ADAM22: variants seen among roughly 807,000 people sequenced by gnomAD.
The protein encoded by ADAM22 is ADAM metallopeptidase domain 22.
A neutral mutation model predicts 144.6 loss-of-function variants in ADAM22; 65 were observed. The ratio of observed to expected loss-of-function variants is 0.45; its 90% confidence interval spans 0.37 to 0.55. ADAM22 has a LOEUF of 0.55. ADAM22 is among the 20% of genes least tolerant of loss of function. The pLI, the probability that ADAM22 is intolerant of heterozygous loss-of-function variation, is 0.00. For synonymous variants in ADAM22, 391 were observed against 412.6 expected, an observed-to-expected ratio of 0.95 and a Z score of 0.63; for missense variants, 974 against 1,184.9, an observed-to-expected ratio of 0.82 and a Z score of 2.61.
intron 8 of ADAM22, 48 bp from the exon 9 acceptor site, chr7:88,128,554 C>A: frequency 2.7e-6 from 4 of 1,495,748 alleles, no homozygotes; most frequent in Non-Finnish European, 3.7e-6. Context: ...TTTTCGCAGC[C>A]AAGTTTAGAG....
intron 3 of ADAM22, among the ~76,000 whole-genome samples, chr7:88,048,662 T>C (rs1585243890): frequency 6.6e-6 from 1 of 152,292 alleles, no homozygotes; most frequent in African/African-American, 2.4e-5. Context: ...ATGTTCACCT[T>C]TTCTTATTAA....
intron 2 of ADAM22, among the ~76,000 whole-genome samples, chr7:87,956,266 C>T (rs530785139): frequency 2.6e-5 from 4 of 152,164 alleles, no homozygotes; most frequent in Non-Finnish European, 4.4e-5. Context: ...ATTTGGCCAT[C>T]TTGGCTCCTC....
At chr7:88,156,984 G>T (rs879454052) in intron 22 of ADAM22, among the ~76,000 whole-genome samples, 1 of 151,840 alleles carries the variant, frequency 6.6e-6, no homozygotes, top group Admixed American at 6.6e-5. Flanking sequence ...ATTTATGAGA[G>T]ATAAGAGACT....
At chr7:88,050,996 T>C (rs1275358110) in intron 3 of ADAM22, among the ~76,000 whole-genome samples, 1 of 152,246 alleles carries the variant, frequency 6.6e-6, no homozygotes, top group Non-Finnish European at 1.5e-5. Context: ...GTTTTAGGTC[T>C]GACATTTAAG....
At chr7:88,128,754 C>T in intron 9 of ADAM22, 78 bp downstream of exon 9, 1 of 1,159,672 alleles carries the variant, frequency 8.6e-7, no homozygotes, top group Non-Finnish European at 1.3e-6. Context: ...TTAGAAAAAA[C>T]AAGAAGCCCA....
At chr7:88,145,557 T>G in intron 17 of ADAM22, 50 bp downstream of exon 17, 1 of 1,406,490 alleles carries the variant, frequency 7.1e-7, no homozygotes, top group South Asian at 1.2e-5. Flanking sequence ...CATACTTGAT[T>G]AAATCATTAA....
intron 5 of ADAM22, among the ~76,000 whole-genome samples, chr7:88,111,019 G>T: frequency 6.7e-6 from 1 of 149,012 alleles, no homozygotes; most frequent in Non-Finnish European, 1.5e-5. Flanking sequence ...GAGATTACAG[G>T]GTTATTTTAA....
chr7:88,022,070 T>G (rs970725459), intron 3 of ADAM22, among the ~76,000 whole-genome samples: 54 of 151,892 alleles, frequency 3.6e-4, no homozygotes, highest in African/African-American at 1.2e-3. Context: ...ATTTTTATTT[T>G]TTTTTTGTAG....
chr7:87,943,960 A>G (rs1238340310), intron 2 of ADAM22, among the ~76,000 whole-genome samples: 1 of 152,122 alleles, frequency 6.6e-6, no homozygotes, highest in Non-Finnish European at 1.5e-5. Context: ...TTTGAAGATG[A>G]GAAATCGATG....
intron 25 of ADAM22, among the ~76,000 whole-genome samples, chr7:88,169,184 A>C (rs1476044467): frequency 6.6e-6 from 1 of 152,092 alleles, no homozygotes; most frequent in Non-Finnish European, 1.5e-5. Context: ...TTTGGCTAAA[A>C]AGGGAGAGCA....
chr7:88,142,242 T>G (rs1230940455), intron 14 of ADAM22, among the ~76,000 whole-genome samples: 1 of 152,224 alleles, frequency 6.6e-6, no homozygotes, highest in African/African-American at 2.4e-5. Context: ...CATTCAGGAT[T>G]GTCCCAGGTT....
chr7:88,143,390 G>A (rs1835379515), intron 15 of ADAM22, among the ~76,000 whole-genome samples: 1 of 152,164 alleles, frequency 6.6e-6, no homozygotes, highest in Non-Finnish European at 1.5e-5. Context: ...GCCAAGTGAT[G>A]ATTCAGAGTT....
intron 4 of ADAM22, among the ~76,000 whole-genome samples, chr7:88,077,878 A>C (rs1024918897): frequency 6.6e-6 from 1 of 152,228 alleles, no homozygotes; most frequent in Admixed American, 6.5e-5. Context: ...ACCACAGCTC[A>C]AGGAGGCCTG....
At chr7:88,117,798 A>G (rs929048721) in intron 7 of ADAM22, among the ~76,000 whole-genome samples, 2 of 151,624 alleles carry the variant, frequency 1.3e-5, no homozygotes, top group Admixed American at 1.3e-4. Flanking sequence ...GGTTCAGGCA[A>G]TTCTTCTGCC....
chr7:87,969,943 G>A (rs1323764506), intron 2 of ADAM22, among the ~76,000 whole-genome samples: 2 of 152,178 alleles, frequency 1.3e-5, no homozygotes, highest in Non-Finnish European at 2.9e-5. Context: ...GGAGTCATAA[G>A]TATAGAAATA....
intron 2 of ADAM22, among the ~76,000 whole-genome samples, chr7:87,947,660 C>G (rs544416355): frequency 1.3e-5 from 2 of 152,046 alleles, no homozygotes; most frequent in Non-Finnish European, 2.9e-5. Context: ...TCATAGTTAA[C>G]GAGGGAAAAG....
At chr7:87,944,949 C>CT (rs1438006468) in intron 2 of ADAM22, among the ~76,000 whole-genome samples, 2 of 128,572 alleles carry the variant, frequency 1.6e-5, no homozygotes, top group Non-Finnish European at 3.3e-5. Context: ...TTTTCTTTTT[C>CT]TTTTTATTAT....
intron 3 of ADAM22, among the ~76,000 whole-genome samples, chr7:87,978,680 A>G (rs990298038): frequency 1.3e-5 from 2 of 152,322 alleles, no homozygotes; most frequent in African/African-American, 4.8e-5. Context: ...GAATATCTAT[A>G]ACTTAAGTTT....
At chr7:87,996,097 G>A (rs544382003) in intron 3 of ADAM22, among the ~76,000 whole-genome samples, 27 of 152,268 alleles carry the variant, frequency 1.8e-4, no homozygotes, top group South Asian at 4.1e-4. Context: ...GGACACGGCC[G>A]TGCACCAGGT....
Sources: gnomAD v4.1 joint callset for allele counts (sites outside exome capture counted in the v4.1 genomes callset) on GRCh38, gnomAD v4.1.1 for gene constraint, MANE v1.5 for transcripts, NCBI Gene and HGNC (gene_info 2026-07-23, HGNC 2026-07-21) for gene names.